BRD4: variants seen among roughly 807,000 people sequenced by gnomAD.
The protein encoded by BRD4 is bromodomain-containing protein 4.
In BRD4, 16 loss-of-function variants were observed where a neutral mutation model predicts 142.1. That is an observed-to-expected ratio of 0.11 (90% CI 0.08 to 0.17). The LOEUF (loss-of-function observed/expected upper bound fraction) is 0.17. Ranked by LOEUF, BRD4 falls within the 10% of genes least tolerant of loss-of-function variation. The probability of loss-of-function intolerance (pLI) is 1.00; values close to 1 mark genes in which losing one functional copy is unlikely to be tolerated. For synonymous variants in BRD4, 833 were observed against 707.5 expected (o/e 1.18, Z -2.82); for missense variants, 1,424 against 1,810.9 (o/e 0.79, Z 3.88).
rs1488126563 is a variant in BRD4, at chr19:15,244,598, G to T, written c.2214C>A (p.His738Gln). Residue 738 changes from histidine (H) to glutamine (Q), a missense_variant and splice_region_variant, in exon 13 of 20, where the codon CAC (histidine) becomes CAA (glutamine). Transcript: ENST00000679869. Reference protein sequence around the residue: ...KGHPGREQKKHHHHHHQQMQQ... With the variant: ...KGHPGREQKKQHHHHHQQMQQ... ...GCATCTGCTGATGGTGGTGATGATG[G>T]TGCTGCAGACAGAGAGACAGACAGA... The T allele has an allele frequency of 6.2e-7, 1 of 1,611,992 alleles. No individual in the cohort carries two copies. Among genetic ancestry groups the T allele is most frequent in the Non-Finnish European group, 8.5e-7 (1 of 1,179,874 alleles).
chr19:15,301,112 G>A (rs2047863587), intron 1 of BRD4, among the ~76,000 whole-genome samples: 2 of 152,154 alleles, frequency 1.3e-5, no homozygotes, highest in South Asian at 2.1e-4. Context: ...AGAAACAACT[G>A]AAACACTCCC....
intron 1 of BRD4, among the ~76,000 whole-genome samples, chr19:15,328,992 C>T (rs536125442): frequency 1.2e-4 from 19 of 152,124 alleles, no homozygotes; most frequent in African/African-American, 4.1e-4. Flanking sequence ...AGGCTGGTGT[C>T]GAACTTTTGA....
intron 7 of BRD4, among the ~76,000 whole-genome samples, chr19:15,258,522 G>C (rs2047436601): frequency 6.6e-6 from 1 of 152,148 alleles, no homozygotes; most frequent in Non-Finnish European, 1.5e-5. Flanking sequence ...GACCTCAACA[G>C]ATCCACTTGC....
At chr19:15,310,857 C>T (rs548221915) in intron 1 of BRD4, among the ~76,000 whole-genome samples, 8 of 152,224 alleles carry the variant, frequency 5.3e-5, no homozygotes, top group African/African-American at 1.4e-4. Flanking sequence ...AACCATCTCC[C>T]GTACCTTTGT....
chr19:15,270,282 G>C (rs115840953), intron 2 of BRD4, among the ~76,000 whole-genome samples: 5 of 152,196 alleles, frequency 3.3e-5, no homozygotes, highest in Non-Finnish European at 2.9e-5. Context: ...TGGGGTTTTT[G>C]AGATGTTCTG....
intron 1 of BRD4, among the ~76,000 whole-genome samples, chr19:15,289,566 A>C (rs1353604538): frequency 6.6e-6 from 1 of 152,056 alleles, no homozygotes; most frequent in East Asian, 1.9e-4. Context: ...TAAATAAATA[A>C]ATAAATAAAA....
intron 7 of BRD4, among the ~76,000 whole-genome samples, chr19:15,258,756 C>T (rs955761515): frequency 6.6e-6 from 1 of 151,774 alleles, no homozygotes; most frequent in African/African-American, 2.4e-5. Flanking sequence ...ACCACCATGC[C>T]CAGCTAAATT....
At chr19:15,261,444 T>C (rs11671970) in intron 7 of BRD4, among the ~76,000 whole-genome samples, 21,142 of 151,252 alleles carry the variant, frequency 0.14, 1,696 homozygotes, top group Middle Eastern at 0.2. Context: ...GTCGTGCCAC[T>C]GCACTCCAGC....
At chr19:15,288,741 G>A (rs2047759124) in intron 1 of BRD4, among the ~76,000 whole-genome samples, 2 of 152,198 alleles carry the variant, frequency 1.3e-5, no homozygotes, top group Non-Finnish European at 2.9e-5. Context: ...AAGCCGTGGC[G>A]GGTGCCTGCC....
intron 1 of BRD4, among the ~76,000 whole-genome samples, chr19:15,290,899 G>A (rs1414396616): frequency 6.6e-6 from 1 of 152,052 alleles, no homozygotes; most frequent in African/African-American, 2.4e-5. Flanking sequence ...ACATTTGAGA[G>A]GTTTTAAAAA....
At position 15,237,715 on chromosome 19, in the gene BRD4, G is replaced by A. The variant is rs1028057802; in HGVS notation, c.*662C>T. 5.2e-5 allele frequency: 12 copies of A among 232,322 alleles called. No homozygotes were observed. The highest frequency in any genetic ancestry group is 2.2e-4 in the African/African-American group (10 of 45,170). The allele number at this position is 232,322 out of a possible 1,614,324, so 14.4% of individuals were successfully genotyped here. A position where few individuals can be genotyped will look rare whatever the true frequency, so the allele number is the denominator to read the frequency against. On this transcript the variant is annotated 3_prime_UTR_variant, in exon 20 of 20. Coordinates refer to ENST00000679869, the MANE Select transcript of BRD4 (RefSeq NM_001379291.1). ...CACTCCCCGGCCGAGGGCTACCCAC[G>A]CAGGACAGTCGCCTCGCTCCGGATG...
intron 1 of BRD4, among the ~76,000 whole-genome samples, chr19:15,320,186 A>C (rs545275865): frequency 6.6e-6 from 1 of 152,170 alleles, no homozygotes; most frequent in East Asian, 1.9e-4. Context: ...TAGCCACTAG[A>C]CTCAATTATT....
intron 1 of BRD4, among the ~76,000 whole-genome samples, chr19:15,286,245 T>TC (rs986391397): frequency 6.6e-6 from 1 of 152,020 alleles, no homozygotes; most frequent in Non-Finnish European, 1.5e-5. Context: ...GCATAGCCCC[T>TC]CCCCTGCACC....
At chr19:15,322,880 A>AAAAG (rs1555747947) in intron 1 of BRD4, among the ~76,000 whole-genome samples, 1 of 147,702 alleles carries the variant, frequency 6.8e-6, no homozygotes, top group Non-Finnish European at 1.5e-5. Flanking sequence ...AAAAAAAAAA[A>AAAAG]AAAAGAAAAG....
chr19:15,306,461 A>C (rs904400924), intron 1 of BRD4, among the ~76,000 whole-genome samples: 1 of 151,934 alleles, frequency 6.6e-6, no homozygotes, highest in African/African-American at 2.4e-5. Flanking sequence ...TATGAAGACG[A>C]GGCCTCACTA....
chr19:15,315,657 C>T (rs2048010660), intron 1 of BRD4, among the ~76,000 whole-genome samples: 1 of 152,096 alleles, frequency 6.6e-6, no homozygotes, highest in Non-Finnish European at 1.5e-5. Flanking sequence ...AAGTTAAAGA[C>T]CAGTCTGAAA....
Position 15,263,560 on chromosome 19 carries a change from G to A in BRD4, c.1213-12C>T. On this transcript the variant is annotated splice_polypyrimidine_tract_variant and intron_variant, in intron 6 of 19. Coordinates refer to ENST00000679869, the MANE Select transcript of BRD4 (RefSeq NM_001379291.1). ...GCCTCCAGTTTAGACTGGAAAACAA[G>A]ACAAGTCCCTGTTAGCTGTGTCTGC... 7 of 1,613,968 alleles carry A rather than the reference G, an allele frequency of 4.3e-6. No homozygotes were observed. The highest frequency in any genetic ancestry group is 1.7e-4 in the Middle Eastern group (1 of 6,060).
At chr19:15,267,931 A>G (rs2047552012) in intron 3 of BRD4, among the ~76,000 whole-genome samples, 1 of 152,226 alleles carries the variant, frequency 6.6e-6, no homozygotes, top group Non-Finnish European at 1.5e-5. Flanking sequence ...ATGATACATT[A>G]GCAGGGCCCC....
intron 4 of BRD4, among the ~76,000 whole-genome samples, chr19:15,266,407 G>A (rs893620667): frequency 6.6e-6 from 1 of 152,196 alleles, no homozygotes; most frequent in African/African-American, 2.4e-5. Flanking sequence ...CAAGGAGCAA[G>A]GGTGAGATTC....
Sources: gnomAD v4.1 joint callset for allele counts (sites outside exome capture counted in the v4.1 genomes callset) on GRCh38, gnomAD v4.1.1 for gene constraint, MANE v1.5 for transcripts, NCBI Gene and HGNC (gene_info 2026-07-23, HGNC 2026-07-21) for gene names.